ABCD3: variants seen among roughly 807,000 people sequenced by gnomAD.
ABCD3 encodes ATP-binding cassette sub-family D member 3.
Under a neutral mutation model 105.5 loss-of-function variants are expected in ABCD3, and 41 were observed. That is an observed-to-expected ratio of 0.39 (90% CI 0.30 to 0.50). The LOEUF (loss-of-function observed/expected upper bound fraction) is 0.50. Among genes scored for constraint, ABCD3 ranks in the 20% least tolerant of loss-of-function variants. The pLI is 0.84. For missense variants in ABCD3, 622 were observed against 806.3 expected (o/e 0.77, Z 2.77); for synonymous variants, 258 against 269.0 (o/e 0.96, Z 0.40).
chr1:94,474,670 G>A (rs1477763812), intron 5 of ABCD3, among the ~76,000 whole-genome samples: 1 of 150,808 alleles, frequency 6.6e-6, no homozygotes, highest in Admixed American at 6.6e-5. Context: ...TGTTAGTAAA[G>A]ATGGCTCTAG....
intron 1 of ABCD3, among the ~76,000 whole-genome samples, chr1:94,421,272 T>C (rs1659248277): frequency 6.6e-6 from 1 of 152,182 alleles, no homozygotes; most frequent in African/African-American, 2.4e-5. Flanking sequence ...TGTACAAATA[T>C]TAGTTGTACA....
Position 94,418,636 on chromosome 1 carries a change from T to A in ABCD3, c.110+48T>A, listed in dbSNP as rs373448102. 3.7e-5 allele frequency: 57 copies of A among 1,533,884 alleles called. No individual in the cohort carries two copies. In the African/African-American group the frequency reaches 7.1e-4, roughly 19 times the overall value. On this transcript the variant is annotated intron_variant, in intron 1 of 22. Transcript: ENST00000370214. ...AGCTTTCCCGGGCTGGAGCGGGCGC[T>A]CCCCGCGCGCTCTCTCTCCCCACCC...
At chr1:94,417,838 C>T (rs1659080470), upstream of ABCD3, among the ~76,000 whole-genome samples, 1 of 152,186 alleles carries the variant, frequency 6.6e-6, no homozygotes, top group African/African-American at 2.4e-5. Context: ...GATTATAACC[C>T]GCGGTTTGGA....
intron 5 of ABCD3, 34 bp downstream of exon 5, chr1:94,473,869 G>A (rs751722991): frequency 4.6e-6 from 7 of 1,528,846 alleles, no homozygotes; most frequent in East Asian, 2.3e-5. Flanking sequence ...TTTTTAACAC[G>A]GGAAATTTGC....
intron 8 of ABCD3, 112 bp from the exon 9 acceptor site, chr1:94,480,352 C>T (rs1648975061): frequency 1.5e-6 from 2 of 1,348,944 alleles, no homozygotes; most frequent in Non-Finnish European, 2.1e-6. Flanking sequence ...CCCAGTAGGG[C>T]AATTTCTTTC....
chr1:94,396,610 T>TGC, the ABCD3 span, among the ~76,000 whole-genome samples: 3,665 of 144,050 alleles, frequency 0.025, 81 homozygotes, highest in East Asian at 0.11. Context: ...TGTGTGTGTG[T>TGC]GCGCGCGCGC....
chr1:94,495,948 T>C (rs1449003786), intron 16 of ABCD3, among the ~76,000 whole-genome samples: 2 of 152,188 alleles, frequency 1.3e-5, no homozygotes, highest in African/African-American at 4.8e-5. Flanking sequence ...TAAAAAGAAG[T>C]CTATCAAAAT....
chr1:94,513,310 G>T (rs1650770831), intron 21 of ABCD3, among the ~76,000 whole-genome samples: 1 of 151,984 alleles, frequency 6.6e-6, no homozygotes, highest in Non-Finnish European at 1.5e-5. Context: ...CTCTTTGCTG[G>T]TAATTTTGAC....
chr1:94,505,296 C>CTACT (rs1476958011), intron 20 of ABCD3, among the ~76,000 whole-genome samples: 1 of 152,012 alleles, frequency 6.6e-6, no homozygotes, highest in African/African-American at 2.4e-5. Flanking sequence ...GAGCCTTGAC[C>CTACT]TACTGGGCTC....
At chr1:94,389,290 C>T in the ABCD3 span, among the ~76,000 whole-genome samples, 2 of 152,188 alleles carry the variant, frequency 1.3e-5, no homozygotes, top group African/African-American at 2.4e-5. Flanking sequence ...ATAAACTGGC[C>T]CCAAAACTGG....
intron 21 of ABCD3, among the ~76,000 whole-genome samples, chr1:94,507,094 C>T (rs1359511147): frequency 2.0e-5 from 3 of 152,110 alleles, no homozygotes; most frequent in African/African-American, 7.2e-5. Context: ...CACCCACTAA[C>T]TCATCATCTA....
intron 15 of ABCD3, 131 bp downstream of exon 15, chr1:94,490,106 C>A: frequency 1.3e-6 from 1 of 782,610 alleles, no homozygotes; most frequent in East Asian, 2.6e-5. Context: ...TTAGAGGTAT[C>A]ATTGACCTAA....
At chr1:94,475,818 T>C in intron 7 of ABCD3, 81 bp downstream of exon 7, 1 of 1,210,308 alleles carries the variant, frequency 8.3e-7, no homozygotes. Context: ...AGAATTGATT[T>C]TGTGGACATA....
chr1:94,392,398 A>G, the ABCD3 span, among the ~76,000 whole-genome samples: 1 of 152,256 alleles, frequency 6.6e-6, no homozygotes, highest in Non-Finnish European at 1.5e-5. Context: ...CAAAAAACAC[A>G]TGACATGAGC....
chr1:94,441,067 T>C (rs1257159082), intron 1 of ABCD3, among the ~76,000 whole-genome samples: 1 of 148,726 alleles, frequency 6.7e-6, no homozygotes, highest in African/African-American at 2.5e-5. Flanking sequence ...GGGAAAGCTT[T>C]TGTAAGTGTG....
intron 1 of ABCD3, among the ~76,000 whole-genome samples, chr1:94,452,471 G>A (rs1316127900): frequency 6.6e-6 from 1 of 152,022 alleles, no homozygotes; most frequent in East Asian, 1.9e-4. Flanking sequence ...CTCGTGGCAG[G>A]AGATGAACCT....
chr1:94,501,887 T>TA (rs1553173594), intron 20 of ABCD3, among the ~76,000 whole-genome samples: 1 of 151,730 alleles, frequency 6.6e-6, no homozygotes, highest in Non-Finnish European at 1.5e-5. Flanking sequence ...TTTTTTTTTT[T>TA]ACCTTAAATT....
intron 2 of ABCD3, 35 bp downstream of exon 2, chr1:94,458,678 A>G (rs1362764400): frequency 6.3e-7 from 1 of 1,583,294 alleles, no homozygotes; most frequent in Admixed American, 1.7e-5. Context: ...TTGGGATTTC[A>G]TGCATTTATT....
rs149214152 is a variant in ABCD3 at position 94,455,647 on chromosome 1, T to C, written c.111-2960T>C. The stretch of plus-strand genomic sequence containing the variant: ...GCAAGAAATTTTAATTGTCACAGAC[T>C]GATTAAAGAAAATAGGACTTATATG... On this transcript the variant is annotated intron_variant, in intron 1 of 22. Coordinates refer to ENST00000370214, the MANE Select transcript of ABCD3 (RefSeq NM_002858.4). The C allele has an allele frequency of 4.6e-3, 1,858 of 407,492 alleles. 10 individuals are homozygous for C. Among genetic ancestry groups the C allele is most frequent in the Non-Finnish European group, 7.1e-3 (1,476 of 207,390 alleles). 25.2% of individuals were successfully genotyped at this position (407,492 alleles called of 1,614,324 possible).
Sources: gnomAD v4.1 joint callset for allele counts (sites outside exome capture counted in the v4.1 genomes callset) on GRCh38, gnomAD v4.1.1 for gene constraint, MANE v1.5 for transcripts, NCBI Gene and HGNC (gene_info 2026-07-23, HGNC 2026-07-21) for gene names.